Variants in EP400 observed in about 807,000 individuals in gnomAD.
EP400 encodes the protein E1A binding protein p400.
EP400 carries 105 observed loss-of-function variants against 354.1 expected under a neutral mutation model. The observed-to-expected ratio is 0.30, with a 90% CI of 0.25 to 0.35. The LOEUF (loss-of-function observed/expected upper bound fraction) is 0.35, where lower values mean the gene tolerates loss of function less well. EP400 is among the 10% of genes least tolerant of loss of function. The pLI is 1.00. For missense variants in EP400, 3,280 were observed against 4,121.0 expected, an observed-to-expected ratio of 0.80 and a Z score of 5.59; for synonymous variants, 1,646 against 1,716.9, an observed-to-expected ratio of 0.96 and a Z score of 1.02.
rs370745926 is a variant in EP400, at chr12:131,979,747, G to A, written c.1389G>A (p.Thr463=). ...CAGGGGCCGGAAGCACAGTAGAGAC[G>A]GACCTGTTTAAGAGGCAGCAGGCGA... ...LVAGAGSTVE[T]DLFKRQQAMP... The change falls in exon 3 of 53, where the codon ACG becomes ACA. Residue 463 remains threonine (T), a synonymous_variant. Transcript: ENST00000389561. 29 of 1,610,394 alleles carry A rather than the reference G, an allele frequency of 1.8e-5. No individual in the cohort carries two copies. The African/African-American group carries it at 2.3e-4, about 13-fold the overall frequency.
chr12:132,025,774 G>C lies in EP400; in HGVS notation c.4984G>C (p.Gly1662Arg), dbSNP rs765877460. 6.2e-7 allele frequency: 1 copy of C among 1,611,228 alleles called. No individual in the cohort carries two copies. The highest frequency in any genetic ancestry group is 1.1e-5 in the South Asian group (1 of 90,766). The change falls in exon 25 of 53, where the codon GGT (glycine) becomes CGT (arginine). Residue 1662 changes from glycine (G) to arginine (R), a missense_variant. Around this residue, in one of 20 missense-constraint regions of EP400, gnomAD observed 459 missense variants for 496.9 expected, o/e 0.92. Transcript: ENST00000389561. The surrounding 1 kb of genome is among the most constrained non-coding windows in gnomAD (Gnocchi z 4.1). ...CCTGGGAAGCAAGCCCCCGGCCGGCGGTCCCAGCCCTGCACCCTTGACCCC... is the reference window on the plus strand; with the variant it reads ...CCTGGGAAGCAAGCCCCCGGCCGGCCGTCCCAGCCCTGCACCCTTGACCCC... ...GALGSKPPAG[G>R]PSPAPLTPQV...
chr12:131,999,462 A>T (rs1483366396), intron 12 of EP400, among the ~76,000 whole-genome samples: 1 of 151,972 alleles, frequency 6.6e-6, no homozygotes, highest in Non-Finnish European at 1.5e-5. Context: ...GTTTGTTTTG[A>T]CAGTCTTGCT....
At chr12:132,058,163 T>C (rs1456564800) in intron 45 of EP400, among the ~76,000 whole-genome samples, 3 of 152,126 alleles carry the variant, frequency 2.0e-5, no homozygotes, top group Non-Finnish European at 4.4e-5. Context: ...GCGGAGGGTC[T>C]GAGGGGAAGG....
chr12:132,000,258 A>G (rs11246891), intron 12 of EP400, among the ~76,000 whole-genome samples: 51,912 of 151,900 alleles, frequency 0.34, 11,058 homozygotes, highest in Non-Finnish European at 0.47. Context: ...ATGTTTCTTA[A>G]TTTCCAAACA....
At chr12:131,969,235 A>G (rs866544256) in intron 2 of EP400, among the ~76,000 whole-genome samples, 5 of 152,162 alleles carry the variant, frequency 3.3e-5, no homozygotes, top group South Asian at 2.1e-4. Context: ...TGTCAAATAC[A>G]TCTATTGACA....
chr12:132,066,728 CG>C, intron 48 of EP400, 45 bp from the exon 49 acceptor site: 1 of 1,562,388 alleles, frequency 6.4e-7, no homozygotes. Context: ...AAAGACATAC[CG>C]TGTCCTGAAT....
chr12:132,073,919 GTT>G (rs34186152), intron 51 of EP400, among the ~76,000 whole-genome samples: 51 of 82,118 alleles, frequency 6.2e-4, no homozygotes, highest in African/African-American at 1.7e-3. Flanking sequence ...GTTTTTTGGG[GTT>G]TTTTTTTTTT....
chr12:131,989,408 T>TC (rs1892959680), intron 7 of EP400, among the ~76,000 whole-genome samples: 1 of 152,208 alleles, frequency 6.6e-6, no homozygotes, highest in Admixed American at 6.5e-5. Flanking sequence ...TGAGTGCATT[T>TC]CCATCCCTAG....
rs79902211 is a variant in EP400, at chr12:131,979,848, C to T, written c.1435+55C>T. ...GAATGCCCCCCTCTCCTTGGGCTGC[C>T]GAGGTACAGTTGCCATGAGTTTCTG... On this transcript the variant is annotated intron_variant, in intron 3 of 52. Transcript: ENST00000389561. The T allele has an allele frequency of 9.2e-3, 13,260 of 1,447,838 alleles. 386 individuals are homozygous for T. The highest frequency in any genetic ancestry group is 0.081 in the South Asian group (6,184 of 76,062). 89.7% of individuals were successfully genotyped at this position (1,447,838 alleles called of 1,614,324 possible). A position where few individuals can be genotyped will look rare whatever the true frequency, so the allele number is the denominator to read the frequency against.
rs1237668565 is a variant in EP400 at position 132,078,726 on chromosome 12, C to T, written c.*1053C>T. On this transcript the variant is annotated 3_prime_UTR_variant, in exon 53 of 53. Transcript: ENST00000389561. Reference sequence around the variant, plus strand: ...GCTATAGCGGTGGGCCCAGTCAACTCTTCCTTGTGGACTTACGACAGCAGA... The same window carrying T: ...GCTATAGCGGTGGGCCCAGTCAACTTTTCCTTGTGGACTTACGACAGCAGA... 1 of 152,230 alleles carries T rather than the reference C, an allele frequency of 6.6e-6. No homozygotes were observed. The highest frequency in any genetic ancestry group is 1.5e-5 in the Non-Finnish European group (1 of 68,054). The allele number at this position is 152,230 out of a possible 1,614,324, so 9.4% of individuals were successfully genotyped here. A position where few individuals can be genotyped will look rare whatever the true frequency, so the allele number is the denominator to read the frequency against.
At chr12:132,077,295 A>G in intron 52 of EP400, 106 bp from the exon 53 acceptor site, 1 of 1,375,054 alleles carries the variant, frequency 7.3e-7, no homozygotes, top group Middle Eastern at 2.7e-4. Context: ...ATAAAAGCAT[A>G]GTCAGTGAAG....
chr12:132,027,005 T>G lies in EP400; in HGVS notation c.5015-432T>G, dbSNP rs1295505401. On this transcript the variant is annotated intron_variant, in intron 25 of 52. Transcript: ENST00000389561. The surrounding 1 kb of genome is among the most constrained non-coding windows in gnomAD (Gnocchi z 4.9). ...CTCTGTTGCAGTTGTGAGGACTGGGTGGACTTCCTGCCGGGGCTGGGCTGC... is the reference window on the plus strand; with the variant it reads ...CTCTGTTGCAGTTGTGAGGACTGGGGGGACTTCCTGCCGGGGCTGGGCTGC... Among the ~76,000 whole-genome samples, 1 of 152,112 alleles carries G rather than the reference T, an allele frequency of 6.6e-6. No homozygotes were observed. Among genetic ancestry groups the G allele is most frequent in the Non-Finnish European group, 1.5e-5 (1 of 68,020 alleles).
At chr12:132,061,095 A>G (rs560782028) in intron 45 of EP400, among the ~76,000 whole-genome samples, 1 of 152,330 alleles carries the variant, frequency 6.6e-6, no homozygotes, top group African/African-American at 2.4e-5. Context: ...GGTTAGAAAG[A>G]GGAAATAAAT....
chr12:132,002,392 T>C (rs1245998004), intron 12 of EP400, among the ~76,000 whole-genome samples: 3 of 152,212 alleles, frequency 2.0e-5, no homozygotes, highest in Non-Finnish European at 4.4e-5. Flanking sequence ...GTATTCTTGT[T>C]GTAGGGGCTA....
intron 7 of EP400, among the ~76,000 whole-genome samples, chr12:131,989,046 A>G (rs928969923): frequency 1.3e-5 from 2 of 152,248 alleles, no homozygotes; most frequent in Admixed American, 1.3e-4. Context: ...AGTCCTGAAC[A>G]TGGTGGACAC....
Position 132,017,602 on chromosome 12 carries a change from A to G in EP400, c.3991A>G (p.Ile1331Val). 2 of 1,613,788 alleles carry G rather than the reference A, an allele frequency of 1.2e-6. No individual in the cohort carries two copies. The highest frequency in any genetic ancestry group is 8.5e-7 in the Non-Finnish European group (1 of 1,179,812). ...GAGCATCCTTGTGCGGCTGCAGCGC[A>G]TCTGCAACCACCCTGGGCTCGTCGA... Reference protein sequence around the residue: ...VLSILVRLQRICNHPGLVEPR... With the variant: ...VLSILVRLQRVCNHPGLVEPR... Residue 1331 changes from isoleucine to valine, a missense_variant, in exon 20 of 53, where the codon ATC becomes GTC. By Grantham distance (29) the Ile-to-Val change is conservative. This residue lies in a region of EP400 where 242 missense variants were observed against 357.9 expected (regional missense o/e 0.68). Coordinates refer to ENST00000389561, the MANE Select transcript of EP400 (RefSeq NM_015409.5). The surrounding 1 kb of genome is among the most constrained non-coding windows in gnomAD (Gnocchi z 5.0).
chr12:132,059,135 A>T (rs1378389642), intron 45 of EP400, among the ~76,000 whole-genome samples: 2 of 152,240 alleles, frequency 1.3e-5, no homozygotes, highest in African/African-American at 2.4e-5. Context: ...GATTCACTGA[A>T]GTCATGTTTG....
At chr12:132,009,882 C>T (rs1400174713) in intron 15 of EP400, among the ~76,000 whole-genome samples, 1 of 136,106 alleles carries the variant, frequency 7.3e-6, no homozygotes, top group African/African-American at 2.9e-5. Context: ...ACTATGTTAC[C>T]CTGGCTGATC....
intron 1 of EP400, among the ~76,000 whole-genome samples, chr12:131,957,151 A>G (rs1308309754): frequency 6.6e-6 from 1 of 152,084 alleles, no homozygotes; most frequent in Non-Finnish European, 1.5e-5. Context: ...GATTACAGGC[A>G]TGAGCCACTA....
Sources: allele counts gnomAD v4.1 joint callset (sites outside exome capture counted in the v4.1 genomes callset), GRCh38; gene constraint gnomAD v4.1.1; regional missense constraint gnomAD v4.1.1; non-coding constraint Gnocchi (gnomAD v3.1); transcripts MANE v1.5; gene names NCBI Gene and HGNC (gene_info 2026-07-23, HGNC 2026-07-21).